Variants in ANKRD17 observed in about 807,000 individuals in gnomAD.
ANKRD17 encodes ankyrin repeat domain 17, also known as ankyrin repeat domain-containing protein 17.
In ANKRD17, 19 loss-of-function variants were observed where a neutral mutation model predicts 229.7. That is an observed-to-expected ratio of 0.08 (90% CI 0.06 to 0.12). The LOEUF is 0.12. Among genes scored for constraint, ANKRD17 ranks in the 10% least tolerant of loss-of-function variants. The pLI is 1.00. For missense variants in ANKRD17, 2,176 were observed against 3,176.8 expected, an observed-to-expected ratio of 0.68 and a Z score of 7.57; for synonymous variants, 1,112 against 1,146.1, an observed-to-expected ratio of 0.97 and a Z score of 0.60.
intron 1 of ANKRD17, among the ~76,000 whole-genome samples, chr4:73,227,569 A>C (rs1490705749): frequency 6.6e-6 from 1 of 152,230 alleles, no homozygotes; most frequent in Non-Finnish European, 1.5e-5. Flanking sequence ...ATAGCAATTA[A>C]CATATTAAGC....
chr4:73,154,771 G>A (rs1484699981), intron 5 of ANKRD17, among the ~76,000 whole-genome samples: 1 of 152,184 alleles, frequency 6.6e-6, no homozygotes, highest in Non-Finnish European at 1.5e-5. Context: ...GCCGGGCGCG[G>A]TGGCTCACGC....
intron 16 of ANKRD17, 47 bp downstream of exon 16, chr4:73,135,070 G>A (rs1728719132): frequency 1.3e-6 from 2 of 1,539,010 alleles, no homozygotes; most frequent in South Asian, 1.2e-5. Context: ...TTTTAATTAT[G>A]GCATAATTCC....
At chr4:73,196,682 A>C (rs1193035828) in intron 1 of ANKRD17, among the ~76,000 whole-genome samples, 1 of 152,194 alleles carries the variant, frequency 6.6e-6, no homozygotes, top group African/African-American at 2.4e-5. Flanking sequence ...AAATAGTGAA[A>C]GTTATCCATT....
chr4:73,167,852 C>T (rs1006797141), intron 2 of ANKRD17, among the ~76,000 whole-genome samples: 1 of 152,006 alleles, frequency 6.6e-6, no homozygotes, highest in African/African-American at 2.4e-5. Flanking sequence ...ACCATGAATC[C>T]TTCAAATATT....
At chr4:73,174,961 G>A (rs1307003054) in intron 2 of ANKRD17, among the ~76,000 whole-genome samples, 3 of 152,168 alleles carry the variant, frequency 2.0e-5, no homozygotes, top group Non-Finnish European at 4.4e-5. Flanking sequence ...ATGTTCATGG[G>A]TTGGAAGAAT....
intron 30 of ANKRD17, among the ~76,000 whole-genome samples, chr4:73,081,947 A>T (rs1325929682): frequency 1.3e-5 from 2 of 152,104 alleles, no homozygotes; most frequent in Non-Finnish European, 2.9e-5. Flanking sequence ...GGAGTTTGAG[A>T]TCAGGCTGGG....
At position 73,091,245 on chromosome 4, in the gene ANKRD17, A is replaced by G; in HGVS notation, c.6383T>C (p.Val2128Ala). Residue 2128 changes from valine to alanine, a missense_variant, in exon 29 of 34, where the codon GTT becomes GCT. Val to Ala is a moderately conservative substitution (Grantham distance 64). Transcript: ENST00000358602. ...EPRPPLQQSQ[V>A]PPPEVRMTVP... is the part of the protein sequence containing the mutation. Reference sequence around the variant, plus strand: ...AGTCATTCTAACTTCCGGGGGAGGAACCTGAGACTGCTGAAGAGGTGGTCT... The same window carrying G: ...AGTCATTCTAACTTCCGGGGGAGGAGCCTGAGACTGCTGAAGAGGTGGTCT... The G allele has an allele frequency of 6.2e-7, 1 of 1,614,184 alleles. No individual in the cohort carries two copies. Among genetic ancestry groups the G allele is most frequent in the Non-Finnish European group, 8.5e-7 (1 of 1,180,032 alleles).
At chr4:73,161,873 T>A (rs969533049) in intron 2 of ANKRD17, among the ~76,000 whole-genome samples, 12 of 152,088 alleles carry the variant, frequency 7.9e-5, no homozygotes, top group Non-Finnish European at 1.2e-4. Flanking sequence ...TTATTTTTTT[T>A]AATTTATATA....
chr4:73,231,318 G>A (rs1056602579), intron 1 of ANKRD17, among the ~76,000 whole-genome samples: 1 of 152,098 alleles, frequency 6.6e-6, no homozygotes, highest in African/African-American at 2.4e-5. Context: ...AAATAATCAG[G>A]AAGTAAAAAC....
Position 73,097,232 on chromosome 4 carries a change from A to G in ANKRD17, c.5062T>C (p.Ser1688Pro). 1.9e-6 allele frequency: 3 copies of G among 1,605,200 alleles called. No homozygotes were observed. Among genetic ancestry groups the G allele is most frequent in the South Asian group, 1.1e-5 (1 of 89,184 alleles). Residue 1688 changes from serine (S) to proline (P), a missense_variant, in exon 27 of 34, where the codon TCT (serine) becomes CCT (proline). By Grantham distance (74) the Ser-to-Pro change is moderately conservative. Coordinates refer to ENST00000358602, the MANE Select transcript of ANKRD17 (RefSeq NM_032217.5). The part of the protein sequence containing the change: ...TISEGTSNSL[S>P]TCTKSGPSPL... ...GATGGACCAGATTTTGTACAAGTAGATAGAGAATTACTGGTCCCTTCACTG... is the reference window on the plus strand; with the variant it reads ...GATGGACCAGATTTTGTACAAGTAGGTAGAGAATTACTGGTCCCTTCACTG...
chr4:73,232,377 G>T (rs1743126597), intron 1 of ANKRD17, among the ~76,000 whole-genome samples: 1 of 152,074 alleles, frequency 6.6e-6, no homozygotes, highest in African/African-American at 2.4e-5. Context: ...TTATTTAGAG[G>T]CACTGGAAGG....
chr4:73,209,860 T>C (rs757394061), intron 1 of ANKRD17, among the ~76,000 whole-genome samples: 14 of 152,152 alleles, frequency 9.2e-5, no homozygotes, highest in Non-Finnish European at 1.5e-4. Flanking sequence ...CCTAAAAAGA[T>C]GCAGATTAAA....
intron 1 of ANKRD17, among the ~76,000 whole-genome samples, chr4:73,207,186 T>C (rs557337002): frequency 6.6e-6 from 1 of 152,298 alleles, no homozygotes; most frequent in Non-Finnish European, 1.5e-5. Flanking sequence ...GTAATACATA[T>C]GTTAATTAGC....
chr4:73,113,034 C>T (rs985383664), intron 24 of ANKRD17: 25 of 1,049,464 alleles, frequency 2.4e-5, no homozygotes, highest in African/African-American at 8.5e-5. Flanking sequence ...GTGATGTGCC[C>T]GCCTCGGCCT....
At chr4:73,131,838 G>T (rs901164398) in intron 16 of ANKRD17, among the ~76,000 whole-genome samples, 29 of 152,160 alleles carry the variant, frequency 1.9e-4, no homozygotes, top group African/African-American at 5.6e-4. Context: ...CATTAAGCCT[G>T]TATGTTAGGG....
chr4:73,126,249 A>G (rs2148727397), intron 16 of ANKRD17, among the ~76,000 whole-genome samples: 1 of 152,294 alleles, frequency 6.6e-6, no homozygotes, highest in African/African-American at 2.4e-5. Context: ...TGATCAGTCC[A>G]TGTGCATGAG....
At chr4:73,097,382 T>C (rs1178411087) in intron 26 of ANKRD17, 110 bp from the exon 27 acceptor site, 1 of 920,656 alleles carries the variant, frequency 1.1e-6, no homozygotes, top group Admixed American at 3.4e-5. Flanking sequence ...AAATAACAAA[T>C]GACGACCTTA....
intron 1 of ANKRD17, among the ~76,000 whole-genome samples, chr4:73,192,742 G>C (rs546902719): frequency 6.6e-6 from 1 of 152,048 alleles, no homozygotes; most frequent in African/African-American, 2.4e-5. Context: ...TAACTTGCTG[G>C]TACATGTAAC....
chr4:73,115,841 T>C lies in ANKRD17; in HGVS notation c.4264A>G (p.Ile1422Val). 1.2e-6 allele frequency: 2 copies of C among 1,613,206 alleles called. No individual in the cohort carries two copies. Among genetic ancestry groups the C allele is most frequent in the Non-Finnish European group, 1.7e-6 (2 of 1,179,784 alleles). ...FPSDSECMRYIATITDKEMLK... is the reference protein window; with the variant it reads ...FPSDSECMRYVATITDKEMLK... Reference sequence around the variant, plus strand: ...ATTACCTTATCAGTGATGGTTGCTATGTATCTCATACATTCAGAATCTGAT... The same window carrying C: ...ATTACCTTATCAGTGATGGTTGCTACGTATCTCATACATTCAGAATCTGAT... The change falls in exon 23 of 34, where the codon ATA becomes GTA. Residue 1422 changes from isoleucine to valine, a missense_variant. This residue lies in a region of ANKRD17 where 178 missense variants were observed against 421.7 expected (regional missense o/e 0.42). Coordinates refer to ENST00000358602, the MANE Select transcript of ANKRD17 (RefSeq NM_032217.5).
Sources: gnomAD v4.1 joint callset for allele counts (sites outside exome capture counted in the v4.1 genomes callset) on GRCh38, gnomAD v4.1.1 for gene constraint, gnomAD v4.1.1 regional missense constraint, MANE v1.5 for transcripts, NCBI Gene and HGNC (gene_info 2026-07-23, HGNC 2026-07-21) for gene names.